Variants in RALYL observed in about 807,000 individuals in gnomAD.
RALYL encodes the protein RALY RNA binding protein like.
Under a neutral mutation model 35.1 loss-of-function variants are expected in RALYL, and 29 were observed. The observed-to-expected ratio is 0.83, with a 90% CI of 0.61 to 1.13. The LOEUF (loss-of-function observed/expected upper bound fraction) is 1.13. Among genes scored for constraint, RALYL ranks in the 50% most tolerant of loss-of-function variants. The pLI, the probability that RALYL is intolerant of heterozygous loss-of-function variation, is 0.00. For missense variants in RALYL, 359 were observed against 360.4 expected, an observed-to-expected ratio of 1.00 and a Z score of 0.03; for synonymous variants, 120 against 127.6, an observed-to-expected ratio of 0.94 and a Z score of 0.40.
chr8:84,761,331 G>A (rs1459650553), intron 2 of RALYL, among the ~76,000 whole-genome samples: 1 of 151,754 alleles, frequency 6.6e-6, no homozygotes, highest in Non-Finnish European at 1.5e-5. Context: ...ACCAGGATAT[G>A]ATACATAAGT....
intron 1 of RALYL, among the ~76,000 whole-genome samples, chr8:84,291,887 T>G (rs918884184): frequency 6.7e-6 from 1 of 149,932 alleles, no homozygotes; most frequent in Non-Finnish European, 1.5e-5. Context: ...TTTAAGAAGC[T>G]AAATAATAAA....
intron 7 of RALYL, among the ~76,000 whole-genome samples, chr8:84,886,540 C>T (rs971500743): frequency 4.6e-5 from 7 of 151,832 alleles, no homozygotes; most frequent in African/African-American, 1.7e-4. Flanking sequence ...AAAAAATAAC[C>T]CAGCAAAATT....
chr8:84,442,595 T>C (rs1347849110), intron 1 of RALYL, among the ~76,000 whole-genome samples: 3 of 152,112 alleles, frequency 2.0e-5, no homozygotes, highest in South Asian at 4.2e-4. Flanking sequence ...GAGAGACAGA[T>C]GTTGAGTCAA....
In RALYL at chr8:84,436,093, C is replaced by T. The variant is rs185505924; in HGVS notation, c.-23-93206C>T. ...TCACCTGTTTCCCAAAACCTATTCA[C>T]GTAAAAAAATTAGAGATTCCCAAAT... On this transcript the variant is annotated intron_variant, in intron 1 of 8. Coordinates refer to ENST00000521268, the MANE Select transcript of RALYL (RefSeq NM_173848.7). 2.7e-3 allele frequency among the ~76,000 whole-genome samples: 418 copies of T among 152,092 alleles called. 1 individual carries two copies. The highest frequency in any genetic ancestry group is 9.7e-3 in the African/African-American group (401 of 41,496).
chr8:84,533,362 C>T (rs1460102547), intron 2 of RALYL, among the ~76,000 whole-genome samples: 1 of 152,106 alleles, frequency 6.6e-6, no homozygotes, highest in Non-Finnish European at 1.5e-5. Context: ...TAGTCACATA[C>T]GAAGTGTCCT....
chr8:84,415,684 G>T lies in RALYL; in HGVS notation c.-23-113615G>T, dbSNP rs368432124. Among the ~76,000 whole-genome samples the T allele has an allele frequency of 1.5e-3, 229 of 151,152 alleles. 2 individuals carry two copies. The highest frequency in any genetic ancestry group is 4.5e-3 in the African/African-American group (185 of 41,182). ...CACAGATAACATCTAGGAGACACTG[G>T]TTTTTTTTTCTGGTATATGTAACAA... On this transcript the variant is annotated intron_variant, in intron 1 of 8. Transcript: ENST00000521268.
At chr8:84,199,570 C>T (rs1816318813) in intron 1 of RALYL, among the ~76,000 whole-genome samples, 1 of 152,034 alleles carries the variant, frequency 6.6e-6, no homozygotes, top group Non-Finnish European at 1.5e-5. Flanking sequence ...ATTTTTTGCC[C>T]AGACCAATGT....
At chr8:84,360,539 G>A (rs772236725) in intron 1 of RALYL, among the ~76,000 whole-genome samples, 26 of 152,144 alleles carry the variant, frequency 1.7e-4, no homozygotes, top group Non-Finnish European at 3.7e-4. Context: ...AGGCAATTAA[G>A]TAAGCATTCC....
intron 4 of RALYL, among the ~76,000 whole-genome samples, chr8:84,829,945 T>G (rs1212437841): frequency 7.2e-6 from 1 of 139,844 alleles, no homozygotes; most frequent in Non-Finnish European, 1.5e-5. Flanking sequence ...AACTCATGCC[T>G]GAAGGAAGCT....
chr8:84,731,185 T>C (rs915686851), intron 2 of RALYL, among the ~76,000 whole-genome samples: 3 of 152,124 alleles, frequency 2.0e-5, no homozygotes, highest in Non-Finnish European at 4.4e-5. Context: ...AACTGAAGAC[T>C]TGGAAAGCCT....
chr8:84,504,311 G>A (rs1211071872), intron 1 of RALYL, among the ~76,000 whole-genome samples: 1 of 152,080 alleles, frequency 6.6e-6, no homozygotes, highest in African/African-American at 2.4e-5. Flanking sequence ...CTAAATTTTT[G>A]TTCATATTGA....
intron 1 of RALYL, among the ~76,000 whole-genome samples, chr8:84,503,352 A>G (rs576322436): frequency 7.5e-4 from 112 of 149,074 alleles, no homozygotes; most frequent in African/African-American, 2.3e-3. Context: ...CAGACAGGGT[A>G]TCACTATGTT....
chr8:84,811,086 C>CTT (rs1197130045), intron 4 of RALYL, among the ~76,000 whole-genome samples: 3 of 151,428 alleles, frequency 2.0e-5, no homozygotes. Flanking sequence ...TTCTTTTTAA[C>CTT]TTATACTTTT....
At chr8:84,733,753 C>G (rs1846684678) in intron 2 of RALYL, among the ~76,000 whole-genome samples, 1 of 152,004 alleles carries the variant, frequency 6.6e-6, no homozygotes, top group Non-Finnish European at 1.5e-5. Flanking sequence ...AAGTATCTGT[C>G]AAATCTTTTG....
chr8:84,457,607 T>G (rs1193364636), intron 1 of RALYL, among the ~76,000 whole-genome samples: 1 of 151,930 alleles, frequency 6.6e-6, no homozygotes, highest in Non-Finnish European at 1.5e-5. Flanking sequence ...TAACACTTTT[T>G]GGCTTATTTA....
chr8:84,267,168 T>G (rs1400448063), intron 1 of RALYL, among the ~76,000 whole-genome samples: 1 of 152,100 alleles, frequency 6.6e-6, no homozygotes, highest in Non-Finnish European at 1.5e-5. Flanking sequence ...TAAAGGAAAA[T>G]GACCAAAATC....
intron 1 of RALYL, among the ~76,000 whole-genome samples, chr8:84,514,014 G>C (rs2134470769): frequency 7.3e-6 from 1 of 137,766 alleles, no homozygotes; most frequent in African/African-American, 2.7e-5. Flanking sequence ...AGAATCACTT[G>C]AACCTGGAGG....
intron 1 of RALYL, among the ~76,000 whole-genome samples, chr8:84,201,826 C>G (rs1436186476): frequency 6.6e-6 from 1 of 152,086 alleles, no homozygotes; most frequent in Non-Finnish European, 1.5e-5. Context: ...CTCAGCCTCC[C>G]AAAGCACTGG....
intron 1 of RALYL, among the ~76,000 whole-genome samples, chr8:84,305,812 GA>G (rs1424995968): frequency 2.6e-5 from 4 of 152,134 alleles, no homozygotes; most frequent in Admixed American, 6.5e-5. Context: ...ATTTGGATTA[GA>G]AAATTGAAGG....
Sources: gnomAD v4.1 joint callset for allele counts (sites outside exome capture counted in the v4.1 genomes callset) on GRCh38, gnomAD v4.1.1 for gene constraint, MANE v1.5 for transcripts, NCBI Gene and HGNC (gene_info 2026-07-23, HGNC 2026-07-21) for gene names.